The following BANK1 variants were observed in gnomAD, a reference collection of about 807,000 sequenced individuals.
BANK1 encodes the protein B cell scaffold protein with ankyrin repeats 1.
In BANK1, 95 loss-of-function variants were observed where a neutral mutation model predicts 94.5. The observed-to-expected ratio is 1.00, with a 90% confidence interval of 0.85 to 1.19. The LOEUF (loss-of-function observed/expected upper bound fraction) is 1.19. BANK1 is among the 50% of genes most tolerant of loss of function. The pLI, the probability that BANK1 is intolerant of heterozygous loss-of-function variation, is 0.00. For missense variants in BANK1, 987 were observed against 932.2 expected (o/e 1.06, Z -0.77); for synonymous variants, 334 against 308.4 (o/e 1.08, Z -0.87).
chr4:102,010,919 G>A (rs1578454048), intron 7 of BANK1, among the ~76,000 whole-genome samples: 2 of 152,118 alleles, frequency 1.3e-5, no homozygotes, highest in South Asian at 4.1e-4. Context: ...CAGAATGTTA[G>A]TAGAGTATGA....
chr4:101,945,624 G>A (rs1053870815), intron 7 of BANK1, among the ~76,000 whole-genome samples: 2 of 151,806 alleles, frequency 1.3e-5, no homozygotes, highest in African/African-American at 4.8e-5. Flanking sequence ...TGAACATGTG[G>A]GCTACATGTT....
chr4:101,815,111 T>C (rs1378378574), intron 1 of BANK1, among the ~76,000 whole-genome samples: 1 of 152,152 alleles, frequency 6.6e-6, no homozygotes, highest in Admixed American at 6.6e-5. Context: ...TCAAATGGCT[T>C]ATATCTGTGA....
At chr4:101,791,377 G>T (rs1724980333) in intron 1 of BANK1, among the ~76,000 whole-genome samples, 1 of 152,182 alleles carries the variant, frequency 6.6e-6, no homozygotes, top group Non-Finnish European at 1.5e-5. Flanking sequence ...GCATTTACCT[G>T]CCCGGCCTGA....
At chr4:101,969,063 A>G (rs988407449) in intron 7 of BANK1, among the ~76,000 whole-genome samples, 1 of 152,004 alleles carries the variant, frequency 6.6e-6, no homozygotes, top group Non-Finnish European at 1.5e-5. Context: ...CGTCTCTACC[A>G]TAGACTCTTC....
At chr4:101,858,244 T>A (rs1383113230) in intron 3 of BANK1, among the ~76,000 whole-genome samples, 1 of 152,314 alleles carries the variant, frequency 6.6e-6, no homozygotes, top group African/African-American at 2.4e-5. Flanking sequence ...GATTTTTGAT[T>A]GTCATAACTA....
At chr4:101,913,338 C>T (rs1473440542) in intron 6 of BANK1, among the ~76,000 whole-genome samples, 1 of 152,108 alleles carries the variant, frequency 6.6e-6, no homozygotes, top group East Asian at 1.9e-4. Flanking sequence ...AACTGTCCAG[C>T]TCTTTTTATT....
At chr4:101,921,570 C>G (rs1722998934) in intron 7 of BANK1, among the ~76,000 whole-genome samples, 1 of 151,886 alleles carries the variant, frequency 6.6e-6, no homozygotes, top group African/African-American at 2.4e-5. Flanking sequence ...TGTATTAGCT[C>G]ACATATGTCA....
At chr4:101,996,911 T>C (rs1725898393) in intron 7 of BANK1, among the ~76,000 whole-genome samples, 1 of 152,176 alleles carries the variant, frequency 6.6e-6, no homozygotes, top group South Asian at 2.1e-4. Context: ...CCTATTTGAA[T>C]ACCCTTTTTT....
Position 101,855,187 on chromosome 4 carries a change from G to C in BANK1, c.622G>C (p.Glu208Gln). Reference protein sequence around the residue: ...AVVLPTEIPCENPGEIFIILR... With the variant: ...AVVLPTEIPCQNPGEIFIILR... ...GGTGCTTCCCACTGAAATTCCATGT[G>C]AGGTCAGTAAAGATACCTTGTTATT... The change falls in exon 3 of 17, where the codon GAG (glutamate) becomes CAG (glutamine). Residue 208 changes from glutamate (E) to glutamine (Q), a missense_variant and splice_region_variant. Physicochemically the swap from Glu to Gln is conservative, Grantham distance 29. Transcript: ENST00000322953. 12 of 1,612,462 alleles carry C rather than the reference G, an allele frequency of 7.4e-6. No individual in the cohort carries two copies. Among genetic ancestry groups the C allele is most frequent in the Non-Finnish European group, 9.3e-6 (11 of 1,178,982 alleles).
intron 2 of BANK1, among the ~76,000 whole-genome samples, chr4:101,854,096 C>T (rs924031721): frequency 6.6e-5 from 10 of 152,086 alleles, no homozygotes; most frequent in African/African-American, 2.4e-4. Flanking sequence ...CTCATGTTGC[C>T]AGCCTAGTTT....
At chr4:101,895,589 AT>A (rs556255614) in intron 6 of BANK1, among the ~76,000 whole-genome samples, 179 bp downstream of exon 6, 5 of 151,620 alleles carry the variant, frequency 3.3e-5, no homozygotes, top group African/African-American at 1.2e-4. Flanking sequence ...TCGTTTGGTA[AT>A]TTTTTTTATC....
intron 3 of BANK1, among the ~76,000 whole-genome samples, chr4:101,859,001 T>C (rs1727778256): frequency 6.6e-6 from 1 of 152,152 alleles, no homozygotes; most frequent in African/African-American, 2.4e-5. Context: ...GCCATAAGAA[T>C]CTCAGAGATT....
At chr4:101,802,134 C>T (rs1027212094) in intron 1 of BANK1, among the ~76,000 whole-genome samples, 1 of 152,156 alleles carries the variant, frequency 6.6e-6, no homozygotes, top group Non-Finnish European at 1.5e-5. Flanking sequence ...GGGACCACAC[C>T]CTCCTCTACC....
intron 7 of BANK1, among the ~76,000 whole-genome samples, chr4:101,923,194 G>A (rs1347458076): frequency 2.6e-5 from 4 of 151,666 alleles, no homozygotes; most frequent in African/African-American, 9.7e-5. Flanking sequence ...TTGGCTTATT[G>A]TTATTCATAT....
chr4:101,802,668 G>A (rs775832030), intron 1 of BANK1, among the ~76,000 whole-genome samples: 18 of 152,140 alleles, frequency 1.2e-4, no homozygotes, highest in Non-Finnish European at 1.9e-4. Flanking sequence ...GCTTTACTTA[G>A]TGGTTGTAGG....
chr4:101,928,096 T>A (rs1463181304), intron 7 of BANK1, among the ~76,000 whole-genome samples: 1 of 151,692 alleles, frequency 6.6e-6, no homozygotes, highest in African/African-American at 2.4e-5. Flanking sequence ...TAAAAATTAG[T>A]TATCATAATA....
chr4:101,843,816 G>C (rs1317433157), intron 2 of BANK1, among the ~76,000 whole-genome samples: 1 of 152,160 alleles, frequency 6.6e-6, no homozygotes, highest in Non-Finnish European at 1.5e-5. Context: ...CAGCTACTTG[G>C]GAGGCTAAGG....
At chr4:102,002,502 TTAA>T (rs1277357058) in intron 7 of BANK1, among the ~76,000 whole-genome samples, 4 of 151,818 alleles carry the variant, frequency 2.6e-5, no homozygotes, top group African/African-American at 9.7e-5. Context: ...ATTACTATTA[TTAA>T]GCCTCACAAT....
chr4:102,022,477 G>T (rs539961007), intron 8 of BANK1, among the ~76,000 whole-genome samples: 2 of 152,130 alleles, frequency 1.3e-5, no homozygotes, highest in South Asian at 4.1e-4. Flanking sequence ...ACCATCATCA[G>T]TTCTCCCCTT....
Sources: gnomAD v4.1 joint callset for allele counts (sites outside exome capture counted in the v4.1 genomes callset) on GRCh38, gnomAD v4.1.1 for gene constraint, MANE v1.5 for transcripts, NCBI Gene and HGNC (gene_info 2026-07-23, HGNC 2026-07-21) for gene names.